The following NEDD4 variants were observed in gnomAD, a reference collection of about 807,000 sequenced individuals.
NEDD4 encodes the protein NEDD4 E3 ubiquitin protein ligase.
In NEDD4, 99 loss-of-function variants were observed where a neutral mutation model predicts 144.9. The observed-to-expected ratio is 0.68, with a 90% confidence interval of 0.58 to 0.81. The LOEUF (loss-of-function observed/expected upper bound fraction) is 0.81, where lower values mean the gene tolerates loss of function less well. Among genes scored for constraint, NEDD4 ranks in the 30% least tolerant of loss-of-function variants. The pLI, the probability that NEDD4 is intolerant of heterozygous loss-of-function variation, is 0.00. For synonymous variants in NEDD4, 318 were observed against 350.6 expected (o/e 0.91, Z 1.04); for missense variants, 985 against 1,065.9 (o/e 0.92, Z 1.06).
At chr15:55,881,393 G>C (rs527362593) in intron 5 of NEDD4, among the ~76,000 whole-genome samples, 3 of 152,014 alleles carry the variant, frequency 2.0e-5, no homozygotes, top group South Asian at 4.2e-4. Context: ...TACCCACCTC[G>C]GCCTTCCAAA....
Position 55,827,649 on chromosome 15 carries a change from A to T in NEDD4, c.*2248T>A, listed in dbSNP as rs934232560. On this transcript the variant is annotated 3_prime_UTR_variant, in exon 29 of 29. Transcript: ENST00000435532. ...ACATTTCCAAAATGCATTGGCCCAC[A>T]TTACTATTACTTTGCTGATATGAAG... 1 of 152,218 alleles carries T rather than the reference A, an allele frequency of 6.6e-6. No individual in the cohort carries two copies. The highest frequency in any genetic ancestry group is 1.5e-5 in the Non-Finnish European group (1 of 68,036). 9.4% of individuals were successfully genotyped at this position (152,218 alleles called of 1,614,324 possible). A position where few individuals can be genotyped will look rare whatever the true frequency, so the allele number is the denominator to read the frequency against.
intron 8 of NEDD4, among the ~76,000 whole-genome samples, chr15:55,867,862 C>A (rs1421184151): frequency 1.3e-5 from 2 of 152,176 alleles, no homozygotes; most frequent in East Asian, 3.9e-4. Context: ...TCAAGACCAG[C>A]CTGGCCAACA....
intron 7 of NEDD4, among the ~76,000 whole-genome samples, chr15:55,869,889 A>AAATAAATCAATAAATC (rs58734138): frequency 6.7e-6 from 1 of 149,872 alleles, no homozygotes; most frequent in African/African-American, 2.4e-5. Context: ...ATAAATAAAT[A>AAATAAATCAATAAATC]AATAATTGTT....
rs1426545070 is a variant in NEDD4, at chr15:55,870,786, A to T, written c.405-1105T>A. Among the ~76,000 whole-genome samples, 4 of 151,850 alleles carry T rather than the reference A, an allele frequency of 2.6e-5. No individual in the cohort carries two copies. In the South Asian group the frequency reaches 6.2e-4, roughly 24 times the overall value. On this transcript the variant is annotated intron_variant, in intron 7 of 28. Transcript: ENST00000435532. ...CTGGGCTCAAGCAATCCACCCACCT[A>T]AGCCTCCCAAAGTGCTACAATTACA...
chr15:55,916,637 G>A (rs80077833), intron 5 of NEDD4: 27 of 1,613,846 alleles, frequency 1.7e-5, no homozygotes, highest in Non-Finnish European at 2.1e-5. Context: ...GAGACTGAAC[G>A]TTTTCCTTTA....
Position 55,983,794 on chromosome 15 carries a change from A to G in NEDD4, c.45+9717T>C, listed in dbSNP as rs531066025. On this transcript the variant is annotated intron_variant, in intron 1 of 28. Coordinates refer to ENST00000435532, the MANE Select transcript of NEDD4 (RefSeq NM_006154.4). ...CCTGGCTAATTTTTGTATTTTTGGTAGAGACAGGGTTTCACCATGTTGGCC... is the reference window on the plus strand; with the variant it reads ...CCTGGCTAATTTTTGTATTTTTGGTGGAGACAGGGTTTCACCATGTTGGCC... 1.7e-4 allele frequency among the ~76,000 whole-genome samples: 26 copies of G among 152,068 alleles called. 1 individual carries two copies. In the South Asian group the frequency reaches 4.6e-3, roughly 27 times the overall value.
chr15:55,982,914 G>T (rs2037827005), intron 1 of NEDD4, among the ~76,000 whole-genome samples: 1 of 152,106 alleles, frequency 6.6e-6, no homozygotes. Context: ...CTGAGGTCAG[G>T]AGTTCGAGAC....
intron 2 of NEDD4, among the ~76,000 whole-genome samples, chr15:55,957,709 C>G (rs1365595344): frequency 4.6e-5 from 7 of 152,170 alleles, no homozygotes; most frequent in Non-Finnish European, 1.0e-4. Context: ...ATAGCAAAGA[C>G]TTGGAACCAA....
At chr15:55,984,307 G>A (rs971976365) in intron 1 of NEDD4, among the ~76,000 whole-genome samples, 1 of 152,272 alleles carries the variant, frequency 6.6e-6, no homozygotes, top group Admixed American at 6.5e-5. Context: ...TGTTTGTTAT[G>A]AATATAACAC....
rs1277747432 is a variant in NEDD4, at chr15:55,827,108, T to C, written c.*2789A>G. The C allele has an allele frequency of 1.3e-5, 2 of 152,332 alleles. No homozygotes were observed. Among genetic ancestry groups the C allele is most frequent in the Non-Finnish European group, 2.9e-5 (2 of 68,030 alleles). 9.4% of individuals were successfully genotyped at this position (152,332 alleles called of 1,614,324 possible). On this transcript the variant is annotated 3_prime_UTR_variant, in exon 29 of 29. Coordinates refer to ENST00000435532, the MANE Select transcript of NEDD4 (RefSeq NM_006154.4). Reference sequence around the variant, plus strand: ...TGAATTGTGTTTAACTTGATACTTATATGGAATAACTTCAGCATTATAAAT... The same window carrying C: ...TGAATTGTGTTTAACTTGATACTTACATGGAATAACTTCAGCATTATAAAT...
At chr15:55,849,914 T>C (rs114334043) in intron 14 of NEDD4, among the ~76,000 whole-genome samples, 14,084 of 151,806 alleles carry the variant, frequency 0.093, 721 homozygotes, top group Middle Eastern at 0.15. Context: ...AGCCTCAGCC[T>C]CCTGAACAGC....
chr15:55,852,446 G>A lies in NEDD4; in HGVS notation c.1124C>T (p.Thr375Ile), dbSNP rs1035451619. The A allele has an allele frequency of 1.2e-6, 2 of 1,612,250 alleles. No individual in the cohort carries two copies. The highest frequency in any genetic ancestry group is 2.7e-5 in the African/African-American group (2 of 74,788). Residue 375 changes from threonine to isoleucine, a missense_variant, in exon 13 of 29, where the codon ACT becomes ATT. Physicochemically the swap from Thr to Ile is moderately conservative, Grantham distance 89 (BLOSUM62 -1). Coordinates refer to ENST00000435532, the MANE Select transcript of NEDD4 (RefSeq NM_006154.4). Reference protein sequence around the residue: ...YYVDHNSRTTTWTKPTVQATV... With the variant: ...YYVDHNSRTTIWTKPTVQATV... ...TACCTGTACAGTGGGCTTTGTCCAA[G>A]TAGTCGTTCTGGAATTGTGATCTAC...
chr15:55,873,287 T>G (rs1233815156), intron 6 of NEDD4, among the ~76,000 whole-genome samples: 1 of 152,174 alleles, frequency 6.6e-6, no homozygotes, highest in East Asian at 1.9e-4. Context: ...ACTCAATCCT[T>G]CCAGTCCCTT....
intron 5 of NEDD4, among the ~76,000 whole-genome samples, chr15:55,894,749 T>C (rs548046954): frequency 2.4e-4 from 37 of 152,204 alleles, no homozygotes; most frequent in Non-Finnish European, 3.2e-4. Context: ...TCATGATTTA[T>C]TGTGAGGATT....
At chr15:55,831,763 A>C (rs1260086406) in intron 27 of NEDD4, among the ~76,000 whole-genome samples, 4 of 152,180 alleles carry the variant, frequency 2.6e-5, no homozygotes, top group African/African-American at 9.6e-5. Context: ...CTATTTGCAC[A>C]AAAAATTCAG....
At chr15:55,860,597 G>C (rs1566916118) in intron 10 of NEDD4, 23 bp from the exon 11 acceptor site, 1 of 1,613,800 alleles carries the variant, frequency 6.2e-7, no homozygotes, top group South Asian at 1.1e-5. Context: ...GAATAAGCTT[G>C]AGCCACACAT....
chr15:55,982,335 G>C (rs80025455), intron 1 of NEDD4, among the ~76,000 whole-genome samples: 28,720 of 152,008 alleles, frequency 0.19, 3,273 homozygotes, highest in Non-Finnish European at 0.27. Flanking sequence ...GTTCACCGTA[G>C]GTTTATTCAT....
chr15:55,987,024 C>G (rs1386595229), intron 1 of NEDD4, among the ~76,000 whole-genome samples: 2 of 147,840 alleles, frequency 1.4e-5, no homozygotes, highest in African/African-American at 5.0e-5. Flanking sequence ...ATTTCTAGTT[C>G]TAGATCCCTG....
chr15:55,869,563 ATTT>A lies in NEDD4; in HGVS notation c.507+13_507+15del. On this transcript the variant is annotated intron_variant, in intron 8 of 28. Transcript: ENST00000435532. ...TAAAATTTTTTTAGTTTAACCAAATATTTATAAAATCTCACCTCTAATTCCTCA... is the reference window on the plus strand; with the variant it reads ...TAAAATTTTTTTAGTTTAACCAAATAATAAAATCTCACCTCTAATTCCTCA... The A allele has an allele frequency of 6.7e-7, 1 of 1,495,542 alleles. No individual in the cohort carries two copies. The highest frequency in any genetic ancestry group is 2.4e-5 in the East Asian group (1 of 41,388). 92.6% of individuals were successfully genotyped at this position (1,495,542 alleles called of 1,614,324 possible).
Sources: allele counts gnomAD v4.1 joint callset (sites outside exome capture counted in the v4.1 genomes callset), GRCh38; gene constraint gnomAD v4.1.1; transcripts MANE v1.5; gene names NCBI Gene and HGNC (gene_info 2026-07-23, HGNC 2026-07-21).